The following AP3D1 variants were observed in gnomAD, a reference collection of about 807,000 sequenced individuals.
AP3D1 encodes the protein adaptor related protein complex 3 subunit delta 1.
A neutral mutation model predicts 147.6 loss-of-function variants in AP3D1; 51 were observed. The observed-to-expected ratio is 0.35, with a 90% CI of 0.28 to 0.44. The LOEUF (loss-of-function observed/expected upper bound fraction) is 0.44, where lower values mean the gene tolerates loss of function less well. Ranked by LOEUF, AP3D1 falls within the 20% of genes least tolerant of loss-of-function variation. AP3D1 has a pLI of 1.00. For synonymous variants in AP3D1, 760 were observed against 663.0 expected, an observed-to-expected ratio of 1.15 and a Z score of -2.25; for missense variants, 1,421 against 1,624.2, an observed-to-expected ratio of 0.87 and a Z score of 2.15.
At chr19:2,103,139 A>G (rs951301624) in intron 31 of AP3D1, among the ~76,000 whole-genome samples, 6 of 152,114 alleles carry the variant, frequency 3.9e-5, no homozygotes, top group African/African-American at 1.4e-4. Flanking sequence ...AAATTAAAAA[A>G]CAAACAAAAA....
intron 1 of AP3D1, among the ~76,000 whole-genome samples, chr19:2,145,751 A>G (rs939071978): frequency 6.6e-5 from 10 of 152,192 alleles, no homozygotes; most frequent in African/African-American, 2.4e-4. Context: ...TCGGCCTTGA[A>G]GCCACCTCCA....
At chr19:2,110,337 C>G (rs2018235942) in intron 27 of AP3D1, 113 bp from the exon 28 acceptor site, 1 of 912,000 alleles carries the variant, frequency 1.1e-6, no homozygotes, top group African/African-American at 1.6e-5. Context: ...GGAAACTGAG[C>G]TCAGCCCCCA....
In AP3D1 at chr19:2,102,004, T is replaced by C. The variant is rs1402939368; in HGVS notation, c.*169A>G. ...GTCACAGTAAAAAAGGATGGTCAGA[T>C]AATTCAACGCAACAAATGACCTCGG... On this transcript the variant is annotated 3_prime_UTR_variant, in exon 32 of 32. Coordinates refer to ENST00000643116, the MANE Select transcript of AP3D1 (RefSeq NM_001261826.3). 1.6e-6 allele frequency: 1 copy of C among 608,596 alleles called. No homozygotes were observed. The highest frequency in any genetic ancestry group is 1.9e-5 in the African/African-American group (1 of 52,900). 37.7% of individuals were successfully genotyped at this position (608,596 alleles called of 1,614,324 possible).
chr19:2,150,299 A>G (rs1216653884), intron 1 of AP3D1, among the ~76,000 whole-genome samples: 1 of 152,130 alleles, frequency 6.6e-6, no homozygotes, highest in Non-Finnish European at 1.5e-5. Flanking sequence ...GCAGTCGCTC[A>G]AGTAGGACAC....
chr19:2,115,281 C>T lies in AP3D1; in HGVS notation c.2287G>A (p.Glu763Lys), dbSNP rs772058576. The T allele has an allele frequency of 6.2e-7, 1 of 1,613,468 alleles. No homozygotes were observed. The highest frequency in any genetic ancestry group is 1.1e-5 in the South Asian group (1 of 91,090). The change falls in exon 20 of 32, where the codon GAG (glutamate) becomes AAG (lysine). Residue 763 changes from glutamate to lysine, a missense_variant. By Grantham distance (56) the Glu-to-Lys change is moderately conservative. Around this residue, in one of 6 missense-constraint regions of AP3D1, gnomAD observed 791 missense variants for 761.4 expected, o/e 1.04. Transcript: ENST00000643116. ...GCAGGGGCGATGTCCTCGTCGCTCT[C>T]CGTGGGCAGCGAGCTGTGGCGGCGC... is the stretch of plus-strand genomic sequence containing the variant. ...GKRRHSSLPTESDEDIAPAQQ... is the reference protein window; with the variant it reads ...GKRRHSSLPTKSDEDIAPAQQ...
At chr19:2,121,385 G>T in intron 12 of AP3D1, 74 bp from the exon 13 acceptor site, 2 of 1,537,716 alleles carry the variant, frequency 1.3e-6, no homozygotes, top group Non-Finnish European at 1.8e-6. Context: ...CCCAACACCT[G>T]CTCCTGAGAC....
chr19:2,131,084 G>C (rs1056033529), intron 5 of AP3D1, among the ~76,000 whole-genome samples: 13 of 152,250 alleles, frequency 8.5e-5, no homozygotes, highest in African/African-American at 3.1e-4. Context: ...GGGCCAGACA[G>C]CCTCTGTCAT....
chr19:2,121,712 G>C, intron 12 of AP3D1, 22 bp downstream of exon 12: 1 of 1,553,824 alleles, frequency 6.4e-7, no homozygotes, highest in Non-Finnish European at 8.7e-7. Context: ...AGGCGGGCGG[G>C]CGGCGGACAG....
chr19:2,123,989 G>A (rs2018683731), intron 9 of AP3D1, 110 bp from the exon 10 acceptor site: 4 of 1,246,420 alleles, frequency 3.2e-6, no homozygotes, highest in Non-Finnish European at 2.3e-6. Context: ...GGATGGGAGG[G>A]AGGACAGAAA....
In AP3D1 at chr19:2,102,153, G is replaced by A. The variant is rs1264962557; in HGVS notation, c.*20C>T. 8 of 1,601,490 alleles carry A rather than the reference G, an allele frequency of 5.0e-6. No homozygotes were observed. In the Admixed American group the frequency reaches 5.0e-5, roughly 10 times the overall value. ...CTGGGTACGTGCTCCGCGGGGTGGTGCGGGGCTCGCAGGCAGCTCTCAACA... is the reference window on the plus strand; with the variant it reads ...CTGGGTACGTGCTCCGCGGGGTGGTACGGGGCTCGCAGGCAGCTCTCAACA... On this transcript the variant is annotated 3_prime_UTR_variant, in exon 32 of 32. Coordinates refer to ENST00000643116, the MANE Select transcript of AP3D1 (RefSeq NM_001261826.3).
In AP3D1 at chr19:2,110,020, T is replaced by C. The variant is rs2074958; in HGVS notation, c.3265-62A>G. On this transcript the variant is annotated intron_variant, in intron 28 of 31. Coordinates refer to ENST00000643116, the MANE Select transcript of AP3D1 (RefSeq NM_001261826.3). ...GTCGGGCCCAGCTCAGGGCTCAGGG[T>C]TCCCCAGGCAGGTGGCCCACTTCCC... The C allele has an allele frequency of 0.24, 381,947 of 1,594,100 alleles. 47,647 individuals are homozygous for C. Among genetic ancestry groups the C allele is most frequent in the East Asian group, 0.4 (17,731 of 44,444 alleles).
chr19:2,112,881 G>A lies in AP3D1; in HGVS notation c.2766C>T (p.Ala922=), dbSNP rs370468395. ...KTEAQGEEDD[A]EGQDQDKKSP... is the part of the protein sequence containing the mutation. ...TCACCTTGTCCTGGTCTTGCCCCTC[G>A]GCATCGTCCTCCTCGCCCTGCGCCT... The change falls in exon 24 of 32, where the codon GCC becomes GCT. Residue 922 remains alanine (A), a synonymous_variant. Coordinates refer to ENST00000643116, the MANE Select transcript of AP3D1 (RefSeq NM_001261826.3). The A allele has an allele frequency of 3.7e-5, 59 of 1,612,410 alleles. No homozygotes were observed. The Middle Eastern group carries it at 4.9e-4, about 13-fold the overall frequency.
At chr19:2,123,900 A>G in intron 9 of AP3D1, 21 bp from the exon 10 acceptor site, 1 of 1,566,150 alleles carries the variant, frequency 6.4e-7, no homozygotes, top group Non-Finnish European at 8.7e-7. Flanking sequence ...CAGCTTGGTC[A>G]GCACCACGGT....
At chr19:2,118,496 T>C (rs1469230679) in intron 15 of AP3D1, 105 bp downstream of exon 15, 3 of 1,095,230 alleles carry the variant, frequency 2.7e-6, no homozygotes, top group African/African-American at 3.1e-5. Flanking sequence ...TCTCAGTGAG[T>C]GGCTTCGGAA....
chr19:2,127,133 G>C lies in AP3D1; in HGVS notation c.856+19C>G, dbSNP rs766495586. 6.2e-6 allele frequency: 10 copies of C among 1,613,522 alleles called. No homozygotes were observed. The Admixed American group carries it at 1.7e-4, about 27-fold the overall frequency. On this transcript the variant is annotated intron_variant, in intron 9 of 31. Coordinates refer to ENST00000643116, the MANE Select transcript of AP3D1 (RefSeq NM_001261826.3). ...TGGCAGTGCCAGCCCTTCCAGATGG[G>C]GAGAGTGCCAGTTCTCACCTGCAAT...
chr19:2,157,275 T>C (rs1012431858), intron 1 of AP3D1, among the ~76,000 whole-genome samples: 22 of 150,916 alleles, frequency 1.5e-4, no homozygotes, highest in African/African-American at 5.4e-4. Context: ...ACCCCGTCTC[T>C]ACTAAAAATA....
intron 14 of AP3D1, 112 bp downstream of exon 14, chr19:2,120,750 G>T: frequency 9.2e-7 from 1 of 1,082,696 alleles, no homozygotes; most frequent in East Asian, 2.5e-5. Flanking sequence ...CAAGACGGCC[G>T]GGGTGGCAGG....
intron 3 of AP3D1, among the ~76,000 whole-genome samples, chr19:2,137,327 T>C (rs1320196294): frequency 6.6e-6 from 1 of 151,970 alleles, no homozygotes; most frequent in East Asian, 1.9e-4. Flanking sequence ...TTTTTTTTTT[T>C]CTTGGAGACA....
chr19:2,155,583 G>A (rs144697827), upstream of AP3D1, among the ~76,000 whole-genome samples: 108 of 144,436 alleles, frequency 7.5e-4, 1 homozygote, highest in African/African-American at 2.5e-3. Flanking sequence ...CTCCCTGCCC[G>A]CTTCTCTGCT....
Sources: gnomAD v4.1 joint callset for allele counts (sites outside exome capture counted in the v4.1 genomes callset) on GRCh38, gnomAD v4.1.1 for gene constraint, gnomAD v4.1.1 regional missense constraint, MANE v1.5 for transcripts, NCBI Gene and HGNC (gene_info 2026-07-23, HGNC 2026-07-21) for gene names.